Variants in GLRX3 observed in about 807,000 individuals in gnomAD.
GLRX3 encodes glutaredoxin 3.
Under a neutral mutation model 49.5 loss-of-function variants are expected in GLRX3, and 22 were observed. The ratio of observed to expected loss-of-function variants is 0.44; its 90% CI spans 0.32 to 0.63. GLRX3 has a LOEUF of 0.63. Among genes scored for constraint, GLRX3 ranks in the 30% least tolerant of loss-of-function variants. The pLI is 0.05. For synonymous variants in GLRX3, 133 were observed against 140.0 expected, an observed-to-expected ratio of 0.95 and a Z score of 0.35; for missense variants, 385 against 396.3, an observed-to-expected ratio of 0.97 and a Z score of 0.24.
At chr10:130,177,491 G>A (rs1254093582) in intron 10 of GLRX3, among the ~76,000 whole-genome samples, 4 of 152,196 alleles carry the variant, frequency 2.6e-5, no homozygotes, top group African/African-American at 9.6e-5. Context: ...GCTGCTTCAC[G>A]TAATCTCCCA....
intron 2 of GLRX3, among the ~76,000 whole-genome samples, chr10:130,149,242 GA>G (rs1455795337): frequency 6.6e-6 from 1 of 152,070 alleles, no homozygotes; most frequent in Non-Finnish European, 1.5e-5. Context: ...AGGAGTTCAA[GA>G]CCAGCTTGAG....
chr10:130,145,474 C>A (rs975842583), intron 2 of GLRX3, among the ~76,000 whole-genome samples, 155 bp downstream of exon 2: 1 of 151,988 alleles, frequency 6.6e-6, no homozygotes, highest in Non-Finnish European at 1.5e-5. Flanking sequence ...ACCAGCCCAG[C>A]CAACATAGTG....
At chr10:130,151,152 T>A (rs1862369462) in intron 2 of GLRX3, among the ~76,000 whole-genome samples, 1 of 152,098 alleles carries the variant, frequency 6.6e-6, no homozygotes, top group Admixed American at 6.6e-5. Context: ...GGTTTCGAAC[T>A]CATGACCTCG....
At chr10:130,141,116 T>A (rs1289164800) in intron 1 of GLRX3, among the ~76,000 whole-genome samples, 1 of 152,006 alleles carries the variant, frequency 6.6e-6, no homozygotes, top group Non-Finnish European at 1.5e-5. Context: ...GCAGGCAGAT[T>A]GATTGCTTGA....
rs1318356483 is a variant in GLRX3, at chr10:130,136,397, T to A, written c.-24T>A. The A allele has an allele frequency of 8.0e-7, 1 of 1,247,546 alleles. No homozygotes were observed. Among genetic ancestry groups the A allele is most frequent in the South Asian group, 4.0e-5 (1 of 25,184 alleles). 77.3% of individuals were successfully genotyped at this position (1,247,546 alleles called of 1,614,324 possible). A position where few individuals can be genotyped will look rare whatever the true frequency, so the allele number is the denominator to read the frequency against. On this transcript the variant is annotated 5_prime_UTR_variant, in exon 1 of 11. The change creates a new upstream start codon in the 5' untranslated region. Coordinates refer to ENST00000331244, the MANE Select transcript of GLRX3 (RefSeq NM_006541.5). ...CCCACATCCGGCCGCCGGCACTGGA[T>A]TGCTTCTGTCTGGCGGCGGCAGCAT...
chr10:130,142,197 ACT>A (rs1293869451), intron 1 of GLRX3, among the ~76,000 whole-genome samples: 3 of 151,042 alleles, frequency 2.0e-5, no homozygotes, highest in Non-Finnish European at 3.0e-5. Flanking sequence ...GCCTGTGGAC[ACT>A]CTCCCTTCAT....
chr10:130,166,281 AAAGTT>A (rs1371382414), intron 4 of GLRX3, among the ~76,000 whole-genome samples: 1 of 152,068 alleles, frequency 6.6e-6, no homozygotes, highest in Non-Finnish European at 1.5e-5. Flanking sequence ...GTTGTGTCAA[AAAGTT>A]AAGTCATATC....
At chr10:130,173,984 C>T (rs1862865284) in intron 8 of GLRX3, among the ~76,000 whole-genome samples, 1 of 152,126 alleles carries the variant, frequency 6.6e-6, no homozygotes, top group Non-Finnish European at 1.5e-5. Context: ...GGAATTGCAC[C>T]TGTACCCTCA....
intron 4 of GLRX3, among the ~76,000 whole-genome samples, chr10:130,163,812 G>T (rs921914547): frequency 6.6e-6 from 1 of 152,174 alleles, no homozygotes; most frequent in Non-Finnish European, 1.5e-5. Flanking sequence ...AGAGAAGGGC[G>T]TAGGCAAAGC....
intron 7 of GLRX3, among the ~76,000 whole-genome samples, chr10:130,170,274 G>A (rs1240974528): frequency 1.3e-5 from 2 of 152,162 alleles, no homozygotes; most frequent in African/African-American, 2.4e-5. Flanking sequence ...TGAGGCTGTT[G>A]GAATAAAGAA....
chr10:130,139,344 A>G (rs1862129094), intron 1 of GLRX3, among the ~76,000 whole-genome samples: 1 of 149,108 alleles, frequency 6.7e-6, no homozygotes, highest in African/African-American at 2.5e-5. Flanking sequence ...AGATGGAGAC[A>G]TTTAAGAATA....
intron 1 of GLRX3, among the ~76,000 whole-genome samples, chr10:130,140,108 G>T (rs949966238): frequency 6.6e-6 from 1 of 152,184 alleles, no homozygotes. Context: ...GTACAATGGG[G>T]TTATTAATAT....
chr10:130,145,426 G>C (rs1862253237), intron 2 of GLRX3, 107 bp downstream of exon 2: 3 of 571,732 alleles, frequency 5.2e-6, no homozygotes, highest in Non-Finnish European at 9.8e-6. Flanking sequence ...ACTTTGGGAG[G>C]CTGAGGCGGG....
intron 10 of GLRX3, among the ~76,000 whole-genome samples, chr10:130,178,878 A>G (rs967031261): frequency 2.6e-5 from 4 of 151,134 alleles, no homozygotes; most frequent in African/African-American, 4.9e-5. Context: ...TGATTTTTGT[A>G]TTTTTAGTAG....
At chr10:130,159,763 A>C (rs1862539320) in intron 2 of GLRX3, 1 of 1,254,346 alleles carries the variant, frequency 8.0e-7, no homozygotes, top group African/African-American at 1.5e-5. Flanking sequence ...GCATCTTTTG[A>C]AATGTGCAAC....
intron 2 of GLRX3, among the ~76,000 whole-genome samples, chr10:130,152,391 T>C (rs1484026413): frequency 6.6e-6 from 1 of 152,210 alleles, no homozygotes; most frequent in Non-Finnish European, 1.5e-5. Flanking sequence ...TGCAGTTTCT[T>C]CATAGTGTCG....
In GLRX3 at chr10:130,176,750, T is replaced by TTCCC. The variant is rs889175535; in HGVS notation, c.957+1680_957+1683dup. On this transcript the variant is annotated intron_variant, in intron 10 of 10. Transcript: ENST00000331244. ...ATTTGTTTCTTCCCTCCCTCCCTCC[T>TTCCC]TCCCTCCCTCCCTCCCTCCCTCTTT... Among the ~76,000 whole-genome samples, 412 of 125,954 alleles carry TTCCC rather than the reference T, an allele frequency of 3.3e-3. 2 individuals are homozygous for TTCCC. Among genetic ancestry groups the TTCCC allele is most frequent in the African/African-American group, 1.0e-2 (329 of 32,982 alleles). 82.6% of individuals were successfully genotyped at this position (125,954 alleles called of 152,430 possible). A position where few individuals can be genotyped will look rare whatever the true frequency, so the allele number is the denominator to read the frequency against.
At chr10:130,176,181 G>A (rs1431225588) in intron 10 of GLRX3, among the ~76,000 whole-genome samples, 1 of 149,900 alleles carries the variant, frequency 6.7e-6, no homozygotes, top group African/African-American at 2.5e-5. Context: ...GTGCAATGGT[G>A]CAATCTCGGC....
At chr10:130,140,758 AT>A (rs144830742) in intron 1 of GLRX3, among the ~76,000 whole-genome samples, 15,200 of 152,144 alleles carry the variant, frequency 0.1, 784 homozygotes, top group Middle Eastern at 0.13. Flanking sequence ...TTATATTAGT[AT>A]TTTCCTGTGG....
Sources: gnomAD v4.1 joint callset for allele counts (sites outside exome capture counted in the v4.1 genomes callset) on GRCh38, gnomAD v4.1.1 for gene constraint, MANE v1.5 for transcripts, NCBI Gene and HGNC (gene_info 2026-07-23, HGNC 2026-07-21) for gene names.